The following TMEM67 variants were observed in gnomAD, a reference collection of about 807,000 sequenced individuals.
TMEM67 encodes the protein transmembrane protein 67.
Under a neutral mutation model 136.6 loss-of-function variants are expected in TMEM67, and 124 were observed. The observed-to-expected ratio is 0.91, with a 90% CI of 0.78 to 1.05. The LOEUF is 1.05. Among genes scored for constraint, TMEM67 ranks in the 50% least tolerant of loss-of-function variants. TMEM67 has a pLI of 0.00. For synonymous variants in TMEM67, 364 were observed against 390.5 expected (o/e 0.93, Z 0.80); for missense variants, 1,107 against 1,178.4 (o/e 0.94, Z 0.89).
At chr8:93,799,843 G>T (rs1586074993) in intron 21 of TMEM67, 85 bp downstream of exon 21, 1 of 1,100,420 alleles carries the variant, frequency 9.1e-7, no homozygotes, top group South Asian at 1.3e-5. Context: ...ATCAAATATT[G>T]ACCACATCCT....
chr8:93,791,296 G>A lies in TMEM67; in HGVS notation c.1552G>A (p.Gly518Arg). 6.2e-7 allele frequency: 1 copy of A among 1,606,094 alleles called. No individual in the cohort carries two copies. The highest frequency in any genetic ancestry group is 8.5e-7 in the Non-Finnish European group (1 of 1,173,276). Residue 518 changes from glycine (G) to arginine (R), a missense_variant, in exon 15 of 28, where the codon GGA (glycine) becomes AGA (arginine). Gly to Arg is a moderately radical substitution (Grantham distance 125, BLOSUM62 -2). Around this residue, in one of 3 missense-constraint regions of TMEM67, gnomAD observed 925 missense variants for 1,002.4 expected, o/e 0.92. Coordinates refer to ENST00000453321, the MANE Select transcript of TMEM67 (RefSeq NM_153704.6). ...SFSVTYEMDH[G>R]EAHVQTDIAL... ...CTCAGTCACATATGAAATGGATCAT[G>A]GAGAAGCACATGTCCAGACAGATGT...
intron 18 of TMEM67, 120 bp from the exon 19 acceptor site, chr8:93,797,014 T>G: frequency 2.9e-6 from 2 of 700,500 alleles, no homozygotes; most frequent in South Asian, 3.1e-5. Context: ...TCATGTGAAT[T>G]CACTCATAAA....
intron 12 of TMEM67, 39 bp downstream of exon 12, chr8:93,785,417 A>G (rs990655863): frequency 6.3e-7 from 1 of 1,583,132 alleles, no homozygotes; most frequent in Non-Finnish European, 8.7e-7. Flanking sequence ...CCCTGAGCAG[A>G]AATCAACAAA....
At chr8:93,774,305 A>G (rs867409213) in intron 7 of TMEM67, among the ~76,000 whole-genome samples, 2 of 152,164 alleles carry the variant, frequency 1.3e-5, no homozygotes, top group African/African-American at 4.8e-5. Context: ...GTGAGCCACC[A>G]TGCCCGGCTT....
intron 26 of TMEM67, 106 bp downstream of exon 26, chr8:93,809,993 G>C: frequency 1.5e-6 from 1 of 671,560 alleles, no homozygotes; most frequent in Non-Finnish European, 2.5e-6. Context: ...TTTTTAGACG[G>C]CGTCTTGCTC....
At chr8:93,821,678 C>T (rs941934247), downstream of TMEM67, among the ~76,000 whole-genome samples, 2 of 152,168 alleles carry the variant, frequency 1.3e-5, no homozygotes, top group African/African-American at 4.8e-5. Context: ...GCGGGTGGAT[C>T]ACTTGATCTC....
chr8:93,815,953 A>G (rs1218659559), intron 27 of TMEM67, among the ~76,000 whole-genome samples: 1 of 152,254 alleles, frequency 6.6e-6, no homozygotes, highest in African/African-American at 2.4e-5. Flanking sequence ...GTTATTATCA[A>G]CTAAATATTC....
chr8:93,760,835 C>G (rs1243223349), intron 3 of TMEM67, among the ~76,000 whole-genome samples: 1 of 151,880 alleles, frequency 6.6e-6, no homozygotes, highest in Non-Finnish European at 1.5e-5. Flanking sequence ...ATGTAAAGCT[C>G]CTACAGATAA....
downstream of TMEM67, among the ~76,000 whole-genome samples, chr8:93,818,776 T>G (rs993449918): frequency 6.6e-6 from 1 of 152,130 alleles, no homozygotes; most frequent in Non-Finnish European, 1.5e-5. Flanking sequence ...CCACTTGTTG[T>G]AAGGATTAGT....
At chr8:93,826,085 T>C in the TMEM67 span, among the ~76,000 whole-genome samples, 83,580 of 149,886 alleles carry the variant, frequency 0.56, 24,134 homozygotes, top group East Asian at 0.84. Context: ...AATGATGTGT[T>C]CAGTAAGTCC....
downstream of TMEM67, among the ~76,000 whole-genome samples, chr8:93,821,451 T>G (rs1325367780): frequency 6.6e-6 from 1 of 152,096 alleles, no homozygotes; most frequent in Non-Finnish European, 1.5e-5. Flanking sequence ...TTGGATAATT[T>G]TAAATTTTTT....
At chr8:93,776,459 G>T (rs898292771) in intron 7 of TMEM67, among the ~76,000 whole-genome samples, 4 of 152,284 alleles carry the variant, frequency 2.6e-5, no homozygotes, top group South Asian at 4.1e-4. Flanking sequence ...TCCAGTTTTT[G>T]CCCATTCAGT....
chr8:93,757,301 T>C (rs1586334189), intron 2 of TMEM67, among the ~76,000 whole-genome samples: 1 of 152,088 alleles, frequency 6.6e-6, no homozygotes, highest in East Asian at 1.9e-4. Context: ...CTAAACCATA[T>C]GATATAATAA....
At chr8:93,780,047 G>A (rs867397612) in intron 7 of TMEM67, among the ~76,000 whole-genome samples, 11 of 152,090 alleles carry the variant, frequency 7.2e-5, no homozygotes, top group African/African-American at 2.7e-4. Context: ...GAGCTTCCCC[G>A]GCTGCTTTGT....
At chr8:93,768,612 A>AAAAATAAAAT (rs1156267916) in intron 6 of TMEM67, among the ~76,000 whole-genome samples, 68 of 152,208 alleles carry the variant, frequency 4.5e-4, no homozygotes, top group African/African-American at 1.6e-3. Context: ...TCTGTCTCAA[A>AAAAATAAAAT]AAAATAAAAT....
chr8:93,823,415 T>G (rs73694995), downstream of TMEM67, among the ~76,000 whole-genome samples: 14,240 of 152,070 alleles, frequency 0.094, 1,241 homozygotes, highest in African/African-American at 0.23. Context: ...TTTTTTTTTT[T>G]TGTGTGGGTG....
At chr8:93,775,269 G>T (rs529229553) in intron 7 of TMEM67, among the ~76,000 whole-genome samples, 1 of 152,184 alleles carries the variant, frequency 6.6e-6, no homozygotes, top group Admixed American at 6.5e-5. Context: ...TGTCAGATGG[G>T]TTATTGCAAA....
chr8:93,776,680 C>T (rs1397303728), intron 7 of TMEM67, among the ~76,000 whole-genome samples: 1 of 152,146 alleles, frequency 6.6e-6, no homozygotes, highest in African/African-American at 2.4e-5. Flanking sequence ...GTTGAACCAG[C>T]CTAGCATCCC....
rs1037676706 is a variant in TMEM67 at position 93,817,825 on chromosome 8, C to G, written c.*1373C>G. On this transcript the variant is annotated 3_prime_UTR_variant, in exon 28 of 28. Transcript: ENST00000453321. ...AAGGAAGTCTTTGAAACTGCAGTTT[C>G]TGAAGGATCACAGTACAGGAATGCC... 2.0e-5 allele frequency: 3 copies of G among 152,122 alleles called. No homozygotes were observed. Among genetic ancestry groups the G allele is most frequent in the Admixed American group, 6.5e-5 (1 of 15,268 alleles). The allele number at this position is 152,122 out of a possible 1,614,324, so 9.4% of individuals were successfully genotyped here.
Sources: gnomAD v4.1 joint callset for allele counts (sites outside exome capture counted in the v4.1 genomes callset) on GRCh38, gnomAD v4.1.1 for gene constraint, gnomAD v4.1.1 regional missense constraint, MANE v1.5 for transcripts, NCBI Gene and HGNC (gene_info 2026-07-23, HGNC 2026-07-21) for gene names.